Variants in CECR2 observed in about 807,000 individuals in gnomAD.
CECR2 encodes the protein chromatin remodeling regulator CECR2.
Under a neutral mutation model 154.5 loss-of-function variants are expected in CECR2, and 30 were observed. That is an observed-to-expected ratio of 0.19 (90% CI 0.15 to 0.26). The LOEUF is 0.26. CECR2 is among the 10% of genes least tolerant of loss of function. The pLI is 1.00. For missense variants in CECR2, 1,743 were observed against 1,829.3 expected (o/e 0.95, Z 0.86); for synonymous variants, 725 against 683.7 (o/e 1.06, Z -0.94).
chr22:17,551,029 T>C (rs1244653239), intron 17 of CECR2, among the ~76,000 whole-genome samples: 2 of 152,194 alleles, frequency 1.3e-5, no homozygotes, highest in African/African-American at 4.8e-5. Context: ...CATCCTGTCA[T>C]CTTATTGCTA....
intron 1 of CECR2, among the ~76,000 whole-genome samples, chr22:17,422,895 G>A (rs1006702573): frequency 6.6e-6 from 1 of 151,914 alleles, no homozygotes; most frequent in African/African-American, 2.4e-5. Flanking sequence ...TGCTCATGCT[G>A]CCCACCTGTT....
intron 1 of CECR2, among the ~76,000 whole-genome samples, chr22:17,469,872 T>G (rs151306249): frequency 2.7e-3 from 405 of 152,368 alleles, no homozygotes; most frequent in Non-Finnish European, 4.8e-3. Context: ...GCCTCTGCCG[T>G]GGCGTCCATC....
chr22:17,494,308 T>C (rs938722383), intron 2 of CECR2, among the ~76,000 whole-genome samples: 6 of 152,152 alleles, frequency 3.9e-5, no homozygotes, highest in Non-Finnish European at 8.8e-5. Flanking sequence ...CATGTCGGCC[T>C]CCCAAAGTGC....
chr22:17,360,178 G>T (rs4607032), intron 1 of CECR2, among the ~76,000 whole-genome samples: 41,590 of 152,220 alleles, frequency 0.27, 6,469 homozygotes, highest in South Asian at 0.4. Context: ...ATACATGAAA[G>T]GCTTAAACAT....
chr22:17,556,306 G>A lies in CECR2; in HGVS notation c.*3466G>A, dbSNP rs1266431974. On this transcript the variant is annotated 3_prime_UTR_variant, in exon 19 of 19. Coordinates refer to ENST00000262608, the MANE Select transcript of CECR2 (RefSeq NM_001290047.2). ...TCGTTAGGCTTAGTGAAAACCTTAA[G>A]ACCTGCAGTTTGTGCCCCTCAGTTC... 1 of 152,158 alleles carries A rather than the reference G, an allele frequency of 6.6e-6. No homozygotes were observed. Among genetic ancestry groups the A allele is most frequent in the Non-Finnish European group, 1.5e-5 (1 of 68,050 alleles). 9.4% of individuals were successfully genotyped at this position (152,158 alleles called of 1,614,324 possible). A position where few individuals can be genotyped will look rare whatever the true frequency, so the allele number is the denominator to read the frequency against.
intron 9 of CECR2, among the ~76,000 whole-genome samples, chr22:17,526,808 C>CAAAAAA (rs34800488): frequency 1.1e-4 from 8 of 71,658 alleles, no homozygotes; most frequent in Admixed American, 3.6e-4. Flanking sequence ...GACTCCATCT[C>CAAAAAA]AAAAAAAAAA....
At chr22:17,452,215 C>T (rs765376439) in intron 1 of CECR2, among the ~76,000 whole-genome samples, 2 of 152,118 alleles carry the variant, frequency 1.3e-5, no homozygotes, top group Non-Finnish European at 2.9e-5. Context: ...TGGGATTACA[C>T]GTGTGAGCCA....
rs1314938763 is a variant in CECR2 at position 17,548,413 on chromosome 22, C to CA, written c.3126_3127insA (p.Leu1043ThrfsTer31). On this transcript the variant is annotated frameshift_variant, in exon 17 of 19. Transcript: ENST00000262608. LOFTEE classifies it high-confidence loss of function. ...CAGCCGCCCAAGGGTGCGTGAGAGA[C>CA]CTCTCCACGGTGGCAGACAGGGGCG... is the stretch of plus-strand genomic sequence containing the variant. 1 of 1,613,868 alleles carries CA rather than the reference C, an allele frequency of 6.2e-7. No individual in the cohort carries two copies. Among genetic ancestry groups the CA allele is most frequent in the Non-Finnish European group, 8.5e-7 (1 of 1,179,892 alleles).
Position 17,552,914 on chromosome 22 carries a change from C to T in CECR2, c.*74C>T, listed in dbSNP as rs1829953179. 1 of 1,535,482 alleles carries T rather than the reference C, an allele frequency of 6.5e-7. No individual in the cohort carries two copies. Among genetic ancestry groups the T allele is most frequent in the Non-Finnish European group, 8.8e-7 (1 of 1,142,328 alleles). ...TGGAATGTGGAGAACTGGGGAGTGC[C>T]CTGTCAGCTCTATTCCCATCACCTG... On this transcript the variant is annotated 3_prime_UTR_variant, in exon 19 of 19. Transcript: ENST00000262608.
chr22:17,483,188 T>G (rs899619787), intron 2 of CECR2, among the ~76,000 whole-genome samples: 39 of 152,356 alleles, frequency 2.6e-4, no homozygotes, highest in Non-Finnish European at 5.9e-5. Context: ...GTGTGTGTTT[T>G]TGTCTTCCTT....
At chr22:17,500,832 A>G in intron 5 of CECR2, 97 bp downstream of exon 5, 1 of 840,358 alleles carries the variant, frequency 1.2e-6, no homozygotes, top group Non-Finnish European at 1.8e-6. Flanking sequence ...CATGGGAAGC[A>G]CATTATTATA....
At chr22:17,535,279 C>T (rs1186516770) in intron 9 of CECR2, among the ~76,000 whole-genome samples, 2 of 151,804 alleles carry the variant, frequency 1.3e-5, no homozygotes, top group Non-Finnish European at 1.5e-5. Flanking sequence ...GATCGCACCA[C>T]TACACTTTAG....
In CECR2 at chr22:17,548,449, G is replaced by A; in HGVS notation, c.3162G>A (p.Glu1054=). The change falls in exon 17 of 19, where the codon GAG becomes GAA. Residue 1054 remains glutamate, a synonymous_variant. Coordinates refer to ENST00000262608, the MANE Select transcript of CECR2 (RefSeq NM_001290047.2). ...STVADRGALS[E]NGVIGEASPC... ...TGGCAGACAGGGGCGCTCTATCCGAGAACGGAGTCATTGGGGAAGCATCTC... is the reference window on the plus strand; with the variant it reads ...TGGCAGACAGGGGCGCTCTATCCGAAAACGGAGTCATTGGGGAAGCATCTC... 1 of 1,614,058 alleles carries A rather than the reference G, an allele frequency of 6.2e-7. No homozygotes were observed. The highest frequency in any genetic ancestry group is 8.5e-7 in the Non-Finnish European group (1 of 1,179,900).
chr22:17,545,596 G>T (rs1356421691), intron 16 of CECR2, among the ~76,000 whole-genome samples: 1 of 151,986 alleles, frequency 6.6e-6, no homozygotes, highest in Non-Finnish European at 1.5e-5. Flanking sequence ...TGTAATTGCA[G>T]CACTTTGGGA....
intron 7 of CECR2, among the ~76,000 whole-genome samples, chr22:17,506,132 C>T (rs1361443523): frequency 1.3e-5 from 2 of 152,098 alleles, no homozygotes; most frequent in African/African-American, 4.8e-5. Context: ...TAGGCATGAG[C>T]CACTGTGCCC....
At chr22:17,367,377 C>CT (rs568671353), upstream of CECR2, among the ~76,000 whole-genome samples, 231 of 147,732 alleles carry the variant, frequency 1.6e-3, 2 homozygotes, top group African/African-American at 5.1e-3. Flanking sequence ...CGCAGTAACA[C>CT]TTTTTTTTTT....
chr22:17,499,845 A>G (rs886591738), intron 4 of CECR2, among the ~76,000 whole-genome samples: 5 of 152,164 alleles, frequency 3.3e-5, no homozygotes, highest in Admixed American at 6.5e-5. Flanking sequence ...CAGCAGCACA[A>G]TCATTTCACT....
intron 1 of CECR2, among the ~76,000 whole-genome samples, chr22:17,452,739 G>C (rs1205666331): frequency 6.6e-6 from 1 of 152,142 alleles, no homozygotes; most frequent in Admixed American, 6.5e-5. Flanking sequence ...AGGAAGCTGG[G>C]TATATACAGT....
intron 2 of CECR2, among the ~76,000 whole-genome samples, chr22:17,486,841 C>G (rs1569114062): frequency 6.6e-6 from 1 of 152,156 alleles, no homozygotes; most frequent in African/African-American, 2.4e-5. Flanking sequence ...AGTGGTGATT[C>G]TCCAGCCTTA....
Sources: gnomAD v4.1 joint callset for allele counts (sites outside exome capture counted in the v4.1 genomes callset) on GRCh38, gnomAD v4.1.1 for gene constraint, MANE v1.5 for transcripts, NCBI Gene and HGNC (gene_info 2026-07-23, HGNC 2026-07-21) for gene names.